Variants in RIT2 observed in about 807,000 individuals in gnomAD.
RIT2 encodes Ras like without CAAX 2.
A neutral mutation model predicts 23.7 loss-of-function variants in RIT2; 24 were observed. That is an observed-to-expected ratio of 1.01 (90% CI 0.73 to 1.43). The LOEUF (loss-of-function observed/expected upper bound fraction) is 1.43, where lower values mean the gene tolerates loss of function less well. Ranked by LOEUF, RIT2 falls within the 40% of genes most tolerant of loss-of-function variation. The pLI is 0.00. For missense variants in RIT2, 236 were observed against 266.9 expected, an observed-to-expected ratio of 0.88 and a Z score of 0.81; for synonymous variants, 107 against 91.1, an observed-to-expected ratio of 1.17 and a Z score of -0.99.
chr18:43,115,488 G>C lies in RIT2; in HGVS notation c.32C>G (p.Pro11Arg). Reference sequence around the variant, plus strand: ...TCTGGACCCGCCTGATGCGCTGCCCGGGGAGCAGCTGGCTTCATTTTCTAC... The same window carrying C: ...TCTGGACCCGCCTGATGCGCTGCCCCGGGAGCAGCTGGCTTCATTTTCTAC... The part of the protein sequence containing the change: MEVENEASCS[P>R]GSASGGSREY... The change falls in exon 1 of 5, where the codon CCG (proline) becomes CGG (arginine). Residue 11 changes from proline to arginine, a missense_variant. Transcript: ENST00000326695. The C allele has an allele frequency of 6.2e-7, 1 of 1,613,266 alleles. No homozygotes were observed. The highest frequency in any genetic ancestry group is 8.5e-7 in the Non-Finnish European group (1 of 1,179,676).
intron 4 of RIT2, among the ~76,000 whole-genome samples, chr18:42,749,962 C>T (rs1257589673): frequency 6.6e-6 from 1 of 151,724 alleles, no homozygotes; most frequent in Non-Finnish European, 1.5e-5. Context: ...GAAAGCAACA[C>T]AAACCTTATT....
chr18:43,065,139 TAA>T (rs1218251445), intron 1 of RIT2, among the ~76,000 whole-genome samples: 1 of 151,428 alleles, frequency 6.6e-6, no homozygotes, highest in African/African-American at 2.4e-5. Flanking sequence ...TTTAAATAGA[TAA>T]AGTTTAGTGA....
intron 4 of RIT2, among the ~76,000 whole-genome samples, chr18:42,852,365 G>A (rs569746996): frequency 6.6e-6 from 1 of 152,108 alleles, no homozygotes; most frequent in Non-Finnish European, 1.5e-5. Context: ...AGCATATAGG[G>A]TATCACAGAT....
At chr18:42,777,967 A>G (rs1225897380) in intron 4 of RIT2, among the ~76,000 whole-genome samples, 1 of 152,210 alleles carries the variant, frequency 6.6e-6, no homozygotes, top group Admixed American at 6.5e-5. Flanking sequence ...AGTAACTCCA[A>G]TTTGGCACAT....
chr18:42,941,531 C>T (rs542113311), intron 3 of RIT2, among the ~76,000 whole-genome samples: 1 of 152,172 alleles, frequency 6.6e-6, no homozygotes, highest in Admixed American at 6.6e-5. Flanking sequence ...TAAAACAATG[C>T]AAATAAATCC....
chr18:42,868,227 GA>G (rs1824947730), intron 4 of RIT2, among the ~76,000 whole-genome samples: 1 of 152,158 alleles, frequency 6.6e-6, no homozygotes, highest in Non-Finnish European at 1.5e-5. Context: ...TGCACATTGA[GA>G]AATGTGATTT....
At chr18:42,767,891 A>C (rs1913462344) in intron 4 of RIT2, among the ~76,000 whole-genome samples, 1 of 152,042 alleles carries the variant, frequency 6.6e-6, no homozygotes. Flanking sequence ...TGCCACCACC[A>C]TGTAAGAAGT....
chr18:43,033,187 C>G (rs866770499), intron 2 of RIT2, among the ~76,000 whole-genome samples: 9 of 152,110 alleles, frequency 5.9e-5, no homozygotes, highest in African/African-American at 2.2e-4. Flanking sequence ...TTAAAGGCAT[C>G]TTTTGTGCTT....
At chr18:43,050,650 A>G (rs1412085946) in intron 1 of RIT2, among the ~76,000 whole-genome samples, 1 of 152,104 alleles carries the variant, frequency 6.6e-6, no homozygotes, top group Admixed American at 6.6e-5. Flanking sequence ...CATCTGCCCC[A>G]AAGCAGGACT....
At chr18:43,040,343 G>T (rs1912098810) in intron 1 of RIT2, among the ~76,000 whole-genome samples, 1 of 152,188 alleles carries the variant, frequency 6.6e-6, no homozygotes, top group African/African-American at 2.4e-5. Context: ...GTCTTATAAA[G>T]AATTTATTAG....
intron 4 of RIT2, among the ~76,000 whole-genome samples, chr18:42,799,278 G>A (rs1462109422): frequency 6.6e-6 from 1 of 152,104 alleles, no homozygotes; most frequent in Admixed American, 6.5e-5. Context: ...AGAATAATAA[G>A]ATTAGAAAAT....
chr18:42,804,551 G>C (rs981991545), intron 4 of RIT2, among the ~76,000 whole-genome samples: 1 of 117,476 alleles, frequency 8.5e-6, no homozygotes, highest in Admixed American at 1.1e-4. Context: ...GTGAAACTGT[G>C]CCTCAAAACT....
intron 2 of RIT2, among the ~76,000 whole-genome samples, chr18:43,023,491 A>AT (rs922444844): frequency 6.6e-6 from 1 of 152,028 alleles, no homozygotes; most frequent in African/African-American, 2.4e-5. Flanking sequence ...CAAAATATTC[A>AT]TTTTGTCTTC....
chr18:43,084,212 G>A (rs145381767), intron 1 of RIT2, among the ~76,000 whole-genome samples: 1 of 152,132 alleles, frequency 6.6e-6, no homozygotes, highest in South Asian at 2.1e-4. Flanking sequence ...TTAGAATGGT[G>A]ATCATCAAAA....
intron 1 of RIT2, among the ~76,000 whole-genome samples, chr18:43,103,000 T>A (rs1381491300): frequency 6.6e-6 from 1 of 152,122 alleles, no homozygotes; most frequent in East Asian, 1.9e-4. Flanking sequence ...ATCTGCCATG[T>A]TTTGATGGAC....
intron 4 of RIT2, among the ~76,000 whole-genome samples, chr18:42,829,669 A>C (rs943476370): frequency 1.3e-5 from 2 of 152,218 alleles, no homozygotes; most frequent in South Asian, 2.1e-4. Flanking sequence ...CATAAAGGGT[A>C]ATCAAACTCA....
chr18:42,816,605 C>T (rs1387360250), intron 4 of RIT2, among the ~76,000 whole-genome samples: 1 of 152,050 alleles, frequency 6.6e-6, no homozygotes, highest in Non-Finnish European at 1.5e-5. Context: ...AACATTGTTC[C>T]CAAGAACTCT....
chr18:43,046,809 C>T (rs1912258959), intron 1 of RIT2, among the ~76,000 whole-genome samples: 1 of 152,046 alleles, frequency 6.6e-6, no homozygotes, highest in Non-Finnish European at 1.5e-5. Context: ...AACAGATAGA[C>T]AAATGCAATT....
chr18:42,920,325 C>T (rs539535004), intron 4 of RIT2, among the ~76,000 whole-genome samples: 9 of 152,166 alleles, frequency 5.9e-5, no homozygotes, highest in Non-Finnish European at 1.2e-4. Context: ...TCAACTCTAA[C>T]TAGCTGTGTG....
Sources: gnomAD v4.1 joint callset for allele counts (sites outside exome capture counted in the v4.1 genomes callset) on GRCh38, gnomAD v4.1.1 for gene constraint, MANE v1.5 for transcripts, NCBI Gene and HGNC (gene_info 2026-07-23, HGNC 2026-07-21) for gene names.